AGBL4: variants seen among roughly 807,000 people sequenced by gnomAD.
The protein encoded by AGBL4 is AGBL carboxypeptidase 4.
In AGBL4, 58 loss-of-function variants were observed where a neutral mutation model predicts 66.4. The ratio of observed to expected loss-of-function variants is 0.87; its 90% CI spans 0.71 to 1.09. AGBL4 has a LOEUF of 1.09. Among genes scored for constraint, AGBL4 ranks in the 50% least tolerant of loss-of-function variants. AGBL4 has a pLI of 0.00. For synonymous variants in AGBL4, 234 were observed against 222.9 expected, an observed-to-expected ratio of 1.05 and a Z score of -0.44; for missense variants, 579 against 631.0, an observed-to-expected ratio of 0.92 and a Z score of 0.88.
At chr1:49,203,088 C>CAAAA (rs139732827) in intron 4 of AGBL4, among the ~76,000 whole-genome samples, 23 of 135,862 alleles carry the variant, frequency 1.7e-4, no homozygotes, top group Non-Finnish European at 2.2e-4. Flanking sequence ...TGGCTACTAT[C>CAAAA]AAAAAAAAAA....
At chr1:49,444,596 C>T (rs1025918576) in intron 3 of AGBL4, among the ~76,000 whole-genome samples, 1 of 151,662 alleles carries the variant, frequency 6.6e-6, no homozygotes, top group Non-Finnish European at 1.5e-5. Flanking sequence ...ATTGCTACTC[C>T]TGCTTGCTTT....
chr1:49,015,401 TAGA>T (rs1352296331), intron 5 of AGBL4, among the ~76,000 whole-genome samples: 3 of 151,050 alleles, frequency 2.0e-5, no homozygotes, highest in Non-Finnish European at 4.4e-5. Flanking sequence ...AATATTTATC[TAGA>T]TGATAGGATT....
intron 4 of AGBL4, among the ~76,000 whole-genome samples, chr1:49,069,040 T>C (rs1644547354): frequency 6.6e-6 from 1 of 152,168 alleles, no homozygotes; most frequent in South Asian, 2.1e-4. Flanking sequence ...TTTTGAGAAG[T>C]GTCTGTTCAT....
At chr1:49,847,397 A>G (rs1232937668) in intron 2 of AGBL4, among the ~76,000 whole-genome samples, 4 of 152,188 alleles carry the variant, frequency 2.6e-5, no homozygotes, top group Admixed American at 6.5e-5. Flanking sequence ...AACACAAACA[A>G]AAATAGATCT....
At chr1:49,452,883 A>G (rs1319965587) in intron 3 of AGBL4, among the ~76,000 whole-genome samples, 2 of 151,860 alleles carry the variant, frequency 1.3e-5, no homozygotes, top group East Asian at 1.9e-4. Flanking sequence ...GTGTGTGTGT[A>G]GGAGACATAG....
chr1:49,322,370 G>A (rs1557838308), intron 3 of AGBL4, among the ~76,000 whole-genome samples: 1 of 152,164 alleles, frequency 6.6e-6, no homozygotes, highest in Non-Finnish European at 1.5e-5. Context: ...CAGTGAATGA[G>A]GATAAGAAAT....
chr1:49,543,997 G>T (rs958838877), intron 3 of AGBL4, among the ~76,000 whole-genome samples: 12 of 152,266 alleles, frequency 7.9e-5, no homozygotes, highest in Admixed American at 5.9e-4. Flanking sequence ...CCACAGAGGA[G>T]CTTATTTGCC....
chr1:48,959,081 C>A (rs756650282), intron 5 of AGBL4, among the ~76,000 whole-genome samples: 2 of 152,114 alleles, frequency 1.3e-5, no homozygotes, highest in Non-Finnish European at 2.9e-5. Context: ...TAAATCAATA[C>A]CATTTTGTGA....
chr1:50,006,379 C>G (rs894858351), intron 1 of AGBL4, among the ~76,000 whole-genome samples: 9 of 150,308 alleles, frequency 6.0e-5, no homozygotes, highest in African/African-American at 2.0e-4. Flanking sequence ...GAGGAGTAGA[C>G]AGTTTATCAA....
chr1:49,473,942 T>C (rs114234559), intron 3 of AGBL4, among the ~76,000 whole-genome samples: 14 of 152,012 alleles, frequency 9.2e-5, no homozygotes, highest in Admixed American at 8.5e-4. Context: ...GTTGGCTGTA[T>C]GTGGGCAGGT....
intron 3 of AGBL4, among the ~76,000 whole-genome samples, chr1:49,528,371 C>A: frequency 6.6e-6 from 1 of 151,890 alleles, no homozygotes; most frequent in East Asian, 1.9e-4. Context: ...GCAAAGAATC[C>A]TAATCAATAT....
chr1:49,799,242 G>C (rs1292994625), intron 2 of AGBL4, among the ~76,000 whole-genome samples: 4 of 151,676 alleles, frequency 2.6e-5, no homozygotes, highest in African/African-American at 9.7e-5. Context: ...CTTCACTATG[G>C]GAAAATAACA....
At chr1:48,676,752 G>A (rs1470517276) in intron 6 of AGBL4, among the ~76,000 whole-genome samples, 1 of 152,014 alleles carries the variant, frequency 6.6e-6, no homozygotes, top group Non-Finnish European at 1.5e-5. Flanking sequence ...CAAGAAACAC[G>A]GTTTATTTTC....
chr1:48,579,151 CT>C (rs1408855067), intron 11 of AGBL4, among the ~76,000 whole-genome samples: 2 of 152,182 alleles, frequency 1.3e-5, no homozygotes, highest in Non-Finnish European at 2.9e-5. Context: ...AAATATCCCC[CT>C]CTCCAACCCT....
chr1:49,270,064 T>C (rs960055507), intron 3 of AGBL4, among the ~76,000 whole-genome samples: 2 of 152,196 alleles, frequency 1.3e-5, no homozygotes, highest in Non-Finnish European at 2.9e-5. Flanking sequence ...AATCACTGTC[T>C]CTTTTTCCTC....
chr1:49,715,889 C>T (rs1164474285), intron 2 of AGBL4, among the ~76,000 whole-genome samples: 1 of 152,050 alleles, frequency 6.6e-6, no homozygotes, highest in Non-Finnish European at 1.5e-5. Context: ...CATTTTCTCC[C>T]ATTTTGTAGG....
chr1:49,978,538 G>C (rs1045292546), intron 1 of AGBL4, among the ~76,000 whole-genome samples: 2 of 152,142 alleles, frequency 1.3e-5, no homozygotes, highest in South Asian at 2.1e-4. Flanking sequence ...ATTTAAAATA[G>C]TAGTTACAGT....
chr1:49,872,346 C>A (rs1042669874), intron 1 of AGBL4, among the ~76,000 whole-genome samples: 2 of 151,912 alleles, frequency 1.3e-5, no homozygotes, highest in African/African-American at 4.8e-5. Context: ...TATAATAGGG[C>A]ATAATTGGAG....
At chr1:49,665,289 TTTTTTGTTTTTG>T (rs1360971984) in intron 3 of AGBL4, among the ~76,000 whole-genome samples, 1 of 152,122 alleles carries the variant, frequency 6.6e-6, no homozygotes. Context: ...ATGGCCTGTT[TTTTTTGTTTTTG>T]TTTTTGTTTT....
Sources: gnomAD v4.1 joint callset for allele counts (sites outside exome capture counted in the v4.1 genomes callset) on GRCh38, gnomAD v4.1.1 for gene constraint, MANE v1.5 for transcripts, NCBI Gene and HGNC (gene_info 2026-07-23, HGNC 2026-07-21) for gene names.